Variants in PRDM11 observed in about 807,000 individuals in gnomAD.
The protein encoded by PRDM11 is PR domain-containing protein 11.
Under a neutral mutation model 97.8 loss-of-function variants are expected in PRDM11, and 20 were observed. That is an observed-to-expected ratio of 0.20 (90% CI 0.14 to 0.30). The LOEUF is 0.30. Among genes scored for constraint, PRDM11 ranks in the 10% least tolerant of loss-of-function variants. PRDM11 has a pLI of 1.00. For missense variants in PRDM11, 1,139 were observed against 1,555.2 expected (o/e 0.73, Z 4.50); for synonymous variants, 599 against 637.7 (o/e 0.94, Z 0.91).
At chr11:45,197,157 C>G (rs2135777795) in intron 4 of PRDM11, among the ~76,000 whole-genome samples, 1 of 152,260 alleles carries the variant, frequency 6.6e-6, no homozygotes, top group South Asian at 2.1e-4. Context: ...TCTCCAGAGT[C>G]TTTTTAAGCA....
At chr11:45,125,780 T>C (rs1344852198) in intron 1 of PRDM11, among the ~76,000 whole-genome samples, 1 of 152,174 alleles carries the variant, frequency 6.6e-6, no homozygotes, top group Non-Finnish European at 1.5e-5. Flanking sequence ...AATTTTGGAA[T>C]AGGTGTGGTG....
intron 1 of PRDM11, among the ~76,000 whole-genome samples, chr11:45,149,295 T>G (rs994211108): frequency 2.6e-5 from 4 of 152,198 alleles, no homozygotes; most frequent in Admixed American, 1.3e-4. Context: ...AGAACCAAAT[T>G]GGTGTAGTGA....
chr11:45,116,924 T>C (rs1852315058), intron 1 of PRDM11, among the ~76,000 whole-genome samples: 1 of 152,106 alleles, frequency 6.6e-6, no homozygotes, highest in Non-Finnish European at 1.5e-5. Context: ...AGGAGTCCAC[T>C]TAAAGAGTTC....
chr11:45,200,235 C>G (rs1398752046), intron 4 of PRDM11, among the ~76,000 whole-genome samples: 1 of 152,224 alleles, frequency 6.6e-6, no homozygotes, highest in Non-Finnish European at 1.5e-5. Flanking sequence ...AGACAGTGGT[C>G]TCAGGCGGTT....
chr11:45,229,661 T>C lies in PRDM11; in HGVS notation c.*1502T>C, dbSNP rs1250490263. The C allele has an allele frequency of 1.3e-5, 2 of 152,218 alleles. No individual in the cohort carries two copies. Among genetic ancestry groups the C allele is most frequent in the Non-Finnish European group, 2.9e-5 (2 of 68,042 alleles). 9.4% of individuals were successfully genotyped at this position (152,218 alleles called of 1,614,324 possible). A position where few individuals can be genotyped will look rare whatever the true frequency, so the allele number is the denominator to read the frequency against. ...TACCTCGCAAGGGAGTTTTAAAAAA[T>C]GTGCGTGAGCTGTTAAAAACTTCTG... is the stretch of plus-strand genomic sequence containing the variant. On this transcript the variant is annotated 3_prime_UTR_variant, in exon 8 of 8. Transcript: ENST00000683152.
chr11:45,205,133 G>C (rs115528817), intron 5 of PRDM11, among the ~76,000 whole-genome samples: 1,548 of 152,272 alleles, frequency 0.01, 21 homozygotes, highest in African/African-American at 0.036. Context: ...CTGCAGGGGT[G>C]GTGTGAGAAT....
chr11:45,114,628 T>G (rs1408104918), intron 1 of PRDM11, among the ~76,000 whole-genome samples: 3 of 151,938 alleles, frequency 2.0e-5, no homozygotes, highest in Admixed American at 6.6e-5. Flanking sequence ...CCTAGGCACA[T>G]CATAGTCTAA....
At chr11:45,197,607 CT>C (rs539220141) in intron 4 of PRDM11, among the ~76,000 whole-genome samples, 84 of 152,224 alleles carry the variant, frequency 5.5e-4, no homozygotes, top group Admixed American at 1.6e-3. Flanking sequence ...TATTTCCAAA[CT>C]CATCAAGTTA....
At chr11:45,116,916 G>A (rs1852314886) in intron 1 of PRDM11, among the ~76,000 whole-genome samples, 1 of 152,150 alleles carries the variant, frequency 6.6e-6, no homozygotes, top group African/African-American at 2.4e-5. Context: ...AGGAGAACAG[G>A]AGTCCACTTA....
chr11:45,223,044 C>T (rs1324497076), intron 6 of PRDM11, among the ~76,000 whole-genome samples: 1 of 152,166 alleles, frequency 6.6e-6, no homozygotes, highest in Non-Finnish European at 1.5e-5. Flanking sequence ...AGCTGGGTGC[C>T]ATGGCTCATG....
intron 1 of PRDM11, among the ~76,000 whole-genome samples, chr11:45,165,753 A>G (rs1331827936): frequency 6.6e-6 from 1 of 152,248 alleles, no homozygotes; most frequent in African/African-American, 2.4e-5. Flanking sequence ...AAAAATGGAA[A>G]AAAAGAACAG....
At chr11:45,197,953 T>A (rs1404849983) in intron 4 of PRDM11, among the ~76,000 whole-genome samples, 1 of 152,160 alleles carries the variant, frequency 6.6e-6, no homozygotes, top group East Asian at 1.9e-4. Flanking sequence ...CACACCAACA[T>A]GGCACATGTA....
At chr11:45,122,460 A>C (rs1852458095) in intron 1 of PRDM11, among the ~76,000 whole-genome samples, 1 of 149,578 alleles carries the variant, frequency 6.7e-6, no homozygotes, top group African/African-American at 2.5e-5. Context: ...ATTTAGCATT[A>C]GGTATATCTC....
At chr11:45,199,261 G>C (rs983203990) in intron 4 of PRDM11, among the ~76,000 whole-genome samples, 1 of 152,160 alleles carries the variant, frequency 6.6e-6, no homozygotes, top group Non-Finnish European at 1.5e-5. Flanking sequence ...CAGCCTCCCT[G>C]CTAGCAAATC....
At chr11:45,119,394 G>A (rs1269436661) in intron 1 of PRDM11, among the ~76,000 whole-genome samples, 2 of 152,038 alleles carry the variant, frequency 1.3e-5, no homozygotes, top group Non-Finnish European at 2.9e-5. Flanking sequence ...TTGGGAGGCC[G>A]AGTTGGGCGG....
intron 1 of PRDM11, among the ~76,000 whole-genome samples, chr11:45,139,231 G>A (rs1200226781): frequency 6.6e-6 from 1 of 152,186 alleles, no homozygotes; most frequent in East Asian, 1.9e-4. Context: ...AACTGACACA[G>A]GCATGAACAC....
At chr11:45,131,661 C>A (rs963774057) in intron 1 of PRDM11, among the ~76,000 whole-genome samples, 2 of 152,176 alleles carry the variant, frequency 1.3e-5, no homozygotes, top group African/African-American at 4.8e-5. Flanking sequence ...AATCCTATTA[C>A]AGGAGTAAGT....
At chr11:45,105,149 C>T (rs531333558) in intron 1 of PRDM11, among the ~76,000 whole-genome samples, 2 of 152,366 alleles carry the variant, frequency 1.3e-5, no homozygotes, top group African/African-American at 2.4e-5. Context: ...GCTGTATCTT[C>T]ACAGAGTATA....
intron 1 of PRDM11, among the ~76,000 whole-genome samples, chr11:45,141,312 C>A (rs537143384): frequency 6.6e-6 from 1 of 152,180 alleles, no homozygotes; most frequent in African/African-American, 2.4e-5. Context: ...CTCGTGTAGT[C>A]CTCTCCCACA....
Sources: allele counts gnomAD v4.1 joint callset (sites outside exome capture counted in the v4.1 genomes callset), GRCh38; gene constraint gnomAD v4.1.1; transcripts MANE v1.5; gene names NCBI Gene and HGNC (gene_info 2026-07-23, HGNC 2026-07-21).